CCSER1: variants seen among roughly 807,000 people sequenced by gnomAD.
The protein encoded by CCSER1 is coiled-coil serine rich protein 1.
In CCSER1, 41 loss-of-function variants were observed where a neutral mutation model predicts 82.0. That is an observed-to-expected ratio of 0.50 (90% CI 0.39 to 0.65). The LOEUF (loss-of-function observed/expected upper bound fraction) is 0.65. CCSER1 is among the 30% of genes least tolerant of loss of function. The pLI, the probability that CCSER1 is intolerant of heterozygous loss-of-function variation, is 0.00. For missense variants in CCSER1, 1,119 were observed against 1,064.2 expected, an observed-to-expected ratio of 1.05 and a Z score of -0.72; for synonymous variants, 414 against 383.9, an observed-to-expected ratio of 1.08 and a Z score of -0.92.
At chr4:91,223,574 G>A (rs552656130) in intron 10 of CCSER1, among the ~76,000 whole-genome samples, 1 of 152,168 alleles carries the variant, frequency 6.6e-6, no homozygotes, top group South Asian at 2.1e-4. Flanking sequence ...AATTTAGGTA[G>A]GGCCCAGATA....
At chr4:90,574,076 A>G (rs1298067127) in intron 5 of CCSER1, among the ~76,000 whole-genome samples, 1 of 151,396 alleles carries the variant, frequency 6.6e-6, no homozygotes, top group East Asian at 1.9e-4. Context: ...ATAGAATTTG[A>G]TGGTTTCTCT....
chr4:91,334,258 T>G (rs1747165319), intron 10 of CCSER1, among the ~76,000 whole-genome samples: 1 of 152,082 alleles, frequency 6.6e-6, no homozygotes, highest in Non-Finnish European at 1.5e-5. Flanking sequence ...AAAACTCTCT[T>G]GCTCATGCCT....
intron 5 of CCSER1, among the ~76,000 whole-genome samples, chr4:90,514,556 G>A (rs1339867558): frequency 6.6e-6 from 1 of 152,060 alleles, no homozygotes; most frequent in East Asian, 1.9e-4. Flanking sequence ...AGGAGTTTGA[G>A]ACCAGCCTGG....
At chr4:91,372,668 A>G (rs1490054332) in intron 10 of CCSER1, among the ~76,000 whole-genome samples, 1 of 152,166 alleles carries the variant, frequency 6.6e-6, no homozygotes, top group African/African-American at 2.4e-5. Context: ...GGCTAATAAC[A>G]TTTGAAAACT....
chr4:90,153,595 G>A lies in CCSER1; in HGVS notation c.-42+25764G>A, dbSNP rs903912050. On this transcript the variant is annotated intron_variant, in intron 1 of 10. Transcript: ENST00000509176. ...TTGCCATTCTAACTGGTGTGAGATG[G>A]TATCTCATTGTGGTTTTGATTTGCA... Among the ~76,000 whole-genome samples the A allele has an allele frequency of 5.4e-4, 82 of 152,088 alleles. 1 individual carries two copies. The highest frequency in any genetic ancestry group is 6.8e-3 in the Middle Eastern group (2 of 294).
intron 5 of CCSER1, among the ~76,000 whole-genome samples, chr4:90,522,859 G>A (rs1262045488): frequency 6.6e-6 from 1 of 151,970 alleles, no homozygotes; most frequent in Non-Finnish European, 1.5e-5. Context: ...TTTCATAGTT[G>A]GCATTGATTA....
intron 10 of CCSER1, among the ~76,000 whole-genome samples, chr4:91,344,683 G>A (rs963537223): frequency 6.6e-6 from 1 of 151,586 alleles, no homozygotes; most frequent in African/African-American, 2.4e-5. Flanking sequence ...TCTATTTGAA[G>A]AAATAGTGAA....
chr4:91,259,956 A>G (rs1740982035), intron 10 of CCSER1, among the ~76,000 whole-genome samples: 1 of 152,212 alleles, frequency 6.6e-6, no homozygotes. Flanking sequence ...CAATTTGGGA[A>G]AGGAATCTGT....
chr4:90,370,182 T>A (rs1342881310), intron 3 of CCSER1: 1 of 152,148 alleles, frequency 6.6e-6, no homozygotes, highest in Admixed American at 6.5e-5. Context: ...TTATTTTGGC[T>A]GCTTTGCCTG....
At chr4:91,402,341 G>T (rs1752398610) in intron 10 of CCSER1, among the ~76,000 whole-genome samples, 1 of 152,114 alleles carries the variant, frequency 6.6e-6, no homozygotes, top group Non-Finnish European at 1.5e-5. Context: ...CCATTCTGTA[G>T]GTTGCCTATT....
At chr4:90,419,696 T>A (rs1306411187) in intron 4 of CCSER1, among the ~76,000 whole-genome samples, 1 of 151,902 alleles carries the variant, frequency 6.6e-6, no homozygotes, top group Non-Finnish European at 1.5e-5. Flanking sequence ...GGCACACCAT[T>A]ACTTTTTAAA....
intron 10 of CCSER1, among the ~76,000 whole-genome samples, chr4:91,487,493 C>G (rs1183564171): frequency 6.6e-6 from 1 of 152,058 alleles, no homozygotes; most frequent in Non-Finnish European, 1.5e-5. Context: ...AGTAAAAGTT[C>G]TAATGGAACA....
intron 10 of CCSER1, among the ~76,000 whole-genome samples, chr4:91,535,498 C>CTT (rs1761253149): frequency 6.6e-6 from 1 of 151,494 alleles, no homozygotes. Context: ...ACCAAATCTT[C>CTT]CACTAGGAGG....
chr4:90,910,098 G>T (rs977568117), intron 8 of CCSER1, among the ~76,000 whole-genome samples: 7 of 152,142 alleles, frequency 4.6e-5, no homozygotes, highest in African/African-American at 1.7e-4. Context: ...ATGGTGGCAG[G>T]AAAGACAGAG....
chr4:91,352,150 T>C (rs767882034), intron 10 of CCSER1, among the ~76,000 whole-genome samples: 3 of 152,228 alleles, frequency 2.0e-5, no homozygotes, highest in Non-Finnish European at 4.4e-5. Flanking sequence ...TACCAATTTA[T>C]ATACCTGACT....
chr4:90,794,576 G>A (rs1010686856), intron 7 of CCSER1, among the ~76,000 whole-genome samples: 1 of 152,162 alleles, frequency 6.6e-6, no homozygotes, highest in African/African-American at 2.4e-5. Context: ...CTGTATCATA[G>A]TTTGAAGTTG....
intron 10 of CCSER1, among the ~76,000 whole-genome samples, chr4:91,371,111 C>T (rs901849508): frequency 6.6e-6 from 1 of 152,130 alleles, no homozygotes; most frequent in African/African-American, 2.4e-5. Flanking sequence ...GATCCACCTG[C>T]CTTGGCCTCC....
chr4:90,967,132 A>G (rs772818021), intron 9 of CCSER1, among the ~76,000 whole-genome samples: 24 of 152,042 alleles, frequency 1.6e-4, no homozygotes, highest in Admixed American at 6.6e-4. Context: ...CAAGTGTGCC[A>G]ATACATCTCA....
At chr4:90,192,568 T>C (rs1175599618) in intron 1 of CCSER1, among the ~76,000 whole-genome samples, 2 of 152,050 alleles carry the variant, frequency 1.3e-5, no homozygotes, top group Non-Finnish European at 2.9e-5. Context: ...TTTACCCTCA[T>C]TGAGACTATT....
Sources: gnomAD v4.1 joint callset for allele counts (sites outside exome capture counted in the v4.1 genomes callset) on GRCh38, gnomAD v4.1.1 for gene constraint, MANE v1.5 for transcripts, NCBI Gene and HGNC (gene_info 2026-07-23, HGNC 2026-07-21) for gene names.